SYNE2: variants seen among roughly 807,000 people sequenced by gnomAD.
SYNE2 encodes the protein nesprin-2.
A neutral mutation model predicts 856.3 loss-of-function variants in SYNE2; 431 were observed. That is an observed-to-expected ratio of 0.50 (90% CI 0.47 to 0.55). SYNE2 has a LOEUF of 0.55. Ranked by LOEUF, SYNE2 falls within the 20% of genes least tolerant of loss-of-function variation. The pLI is 0.00. For missense variants in SYNE2, 8,129 were observed against 8,023.2 expected, an observed-to-expected ratio of 1.01 and a Z score of -0.50; for synonymous variants, 2,923 against 2,872.3, an observed-to-expected ratio of 1.02 and a Z score of -0.56.
At chr14:64,174,018 G>T in intron 94 of SYNE2, 1 of 629,620 alleles carries the variant, frequency 1.6e-6, no homozygotes, top group South Asian at 1.8e-5. Context: ...CTGTAACACC[G>T]CCACTAAAAT....
At chr14:64,071,741 G>T (rs757739021) in intron 52 of SYNE2, among the ~76,000 whole-genome samples, 28 of 152,172 alleles carry the variant, frequency 1.8e-4, no homozygotes, top group Admixed American at 3.9e-4. Context: ...CTGTGGCCGG[G>T]CATGGTGGCT....
chr14:63,974,069 T>C (rs2096507037), intron 11 of SYNE2, among the ~76,000 whole-genome samples: 1 of 152,150 alleles, frequency 6.6e-6, no homozygotes, highest in Non-Finnish European at 1.5e-5. Flanking sequence ...GTCTCTACAA[T>C]AAAATAATAA....
At chr14:64,009,860 A>C (rs757109913) in intron 31 of SYNE2, 106 bp from the exon 32 acceptor site, 31 of 1,003,068 alleles carry the variant, frequency 3.1e-5, no homozygotes, top group Non-Finnish European at 4.5e-5. Context: ...ATCAAGAGGA[A>C]AAGTCCTTTA....
chr14:63,880,615 A>G (rs982180277), intron 1 of SYNE2, among the ~76,000 whole-genome samples: 1 of 151,546 alleles, frequency 6.6e-6, no homozygotes, highest in African/African-American at 2.4e-5. Flanking sequence ...TTGAATATCA[A>G]CATCGGATTC....
intron 11 of SYNE2, among the ~76,000 whole-genome samples, chr14:63,974,741 CAT>C (rs901601546): frequency 6.9e-6 from 1 of 144,444 alleles, no homozygotes; most frequent in Non-Finnish European, 1.5e-5. Flanking sequence ...TATACATATA[CAT>C]ATATATATGT....
At chr14:64,105,177 G>C (rs970019425) in intron 64 of SYNE2, among the ~76,000 whole-genome samples, 1 of 152,046 alleles carries the variant, frequency 6.6e-6, no homozygotes, top group African/African-American at 2.4e-5. Context: ...CCCTCTAATT[G>C]GTTTACAGTC....
chr14:64,003,284 A>C lies in SYNE2; in HGVS notation c.4351A>C (p.Ser1451Arg), dbSNP rs535438406. The C allele has an allele frequency of 1.9e-6, 3 of 1,614,152 alleles. No homozygotes were observed. Among genetic ancestry groups the C allele is most frequent in the Non-Finnish European group, 2.5e-6 (3 of 1,180,034 alleles). ...TATTCAAGATGTGCAGAGTCAAATC[A>C]GTAAAATTGGTCTTAAGGATCCTAC... is the stretch of plus-strand genomic sequence containing the variant. ...KNIQDVQSQI[S>R]KIGLKDPTVP... The change falls in exon 30 of 116, where the codon AGT (serine) becomes CGT (arginine). Residue 1451 changes from serine to arginine, a missense_variant. By Grantham distance (110) the Ser-to-Arg change is moderately radical. This residue lies in a region of SYNE2 where 2,422 missense variants were observed against 2,357.4 expected (regional missense o/e 1.03). Coordinates refer to ENST00000555002, the MANE Select transcript of SYNE2 (RefSeq NM_182914.3).
intron 1 of SYNE2, among the ~76,000 whole-genome samples, chr14:63,810,429 A>G (rs956918467): frequency 1.3e-5 from 2 of 152,172 alleles, no homozygotes; most frequent in African/African-American, 4.8e-5. Flanking sequence ...CTGAGATATA[A>G]TAAGATTACT....
chr14:64,174,882 C>T, intron 94 of SYNE2, 62 bp from the exon 95 acceptor site: 11 of 1,482,584 alleles, frequency 7.4e-6, no homozygotes, highest in Non-Finnish European at 9.4e-6. Flanking sequence ...TACACAGGCA[C>T]ACACAATCAC....
intron 77 of SYNE2, 105 bp from the exon 78 acceptor site, chr14:64,133,964 T>G: frequency 1.4e-6 from 2 of 1,379,534 alleles, no homozygotes; most frequent in South Asian, 2.3e-5. Context: ...GTGCTTTAAT[T>G]TTGTATGGTC....
At chr14:64,200,747 G>A (rs747570501) in intron 99 of SYNE2, among the ~76,000 whole-genome samples, 4 of 151,742 alleles carry the variant, frequency 2.6e-5, no homozygotes, top group Non-Finnish European at 5.9e-5. Flanking sequence ...ATTTATCTCC[G>A]AGGCATTCTG....
At chr14:64,215,748 C>T (rs561275571) in intron 107 of SYNE2, 149 of 391,320 alleles carry the variant, frequency 3.8e-4, no homozygotes, top group African/African-American at 1.2e-3. Context: ...GGGGTTGGGG[C>T]GGTAAAGGGT....
chr14:64,209,821 C>G, intron 102 of SYNE2, 121 bp from the exon 103 acceptor site: 1 of 1,382,108 alleles, frequency 7.2e-7, no homozygotes, highest in Admixed American at 1.8e-5. Flanking sequence ...GAATTAGGCC[C>G]TCTGCTGCCA....
intron 1 of SYNE2, among the ~76,000 whole-genome samples, chr14:63,810,913 C>A (rs1196849437): frequency 9.9e-5 from 15 of 152,156 alleles, no homozygotes; most frequent in Admixed American, 9.8e-4. Context: ...CAGCTCACTG[C>A]AACCTCTGCC....
At chr14:64,183,325 A>T (rs1156621039) in intron 96 of SYNE2, among the ~76,000 whole-genome samples, 1 of 146,110 alleles carries the variant, frequency 6.8e-6, no homozygotes. Context: ...ACGGGGCGGC[A>T]GGGCAGAGGC....
chr14:64,169,619 TTC>T (rs1282608139), intron 93 of SYNE2, among the ~76,000 whole-genome samples: 21 of 152,238 alleles, frequency 1.4e-4, no homozygotes, highest in African/African-American at 5.1e-4. Flanking sequence ...CCTCTGAATC[TTC>T]TTTCAGCATA....
At chr14:64,129,661 G>A (rs556775192) in intron 74 of SYNE2, 121 bp from the exon 75 acceptor site, 2 of 1,412,588 alleles carry the variant, frequency 1.4e-6, no homozygotes, top group East Asian at 2.5e-5. Flanking sequence ...GAGGGAGCGG[G>A]AGCTGGGATT....
chr14:63,950,899 C>A (rs3892109), intron 7 of SYNE2, among the ~76,000 whole-genome samples: 29,543 of 151,952 alleles, frequency 0.19, 3,275 homozygotes, highest in African/African-American at 0.31. Context: ...TCAAGCAATT[C>A]ACCTGCCTCC....
At chr14:63,934,353 G>T (rs186901213) in intron 2 of SYNE2, among the ~76,000 whole-genome samples, 57 of 152,028 alleles carry the variant, frequency 3.7e-4, no homozygotes, top group African/African-American at 1.3e-3. Context: ...GAAAAGTTTT[G>T]ATTATTTTAA....
Sources: gnomAD v4.1 joint callset for allele counts (sites outside exome capture counted in the v4.1 genomes callset) on GRCh38, gnomAD v4.1.1 for gene constraint, gnomAD v4.1.1 regional missense constraint, MANE v1.5 for transcripts, NCBI Gene and HGNC (gene_info 2026-07-23, HGNC 2026-07-21) for gene names.